The following LRRC7 variants were observed in gnomAD, a reference collection of about 807,000 sequenced individuals.
LRRC7 encodes leucine-rich repeat-containing protein 7.
In LRRC7, 23 loss-of-function variants were observed where a neutral mutation model predicts 175.7. The observed-to-expected ratio is 0.13, with a 90% confidence interval of 0.09 to 0.19. The LOEUF (loss-of-function observed/expected upper bound fraction) is 0.19, where lower values mean the gene tolerates loss of function less well. Ranked by LOEUF, LRRC7 falls within the 10% of genes least tolerant of loss-of-function variation. LRRC7 has a pLI of 1.00. For synonymous variants in LRRC7, 685 were observed against 680.9 expected (o/e 1.01, Z -0.09); for missense variants, 1,354 against 1,904.7 (o/e 0.71, Z 5.38).
intron 25 of LRRC7, among the ~76,000 whole-genome samples, chr1:70,096,666 CT>C (rs1481615662): frequency 1.3e-5 from 2 of 151,938 alleles, no homozygotes; most frequent in African/African-American, 4.8e-5. Context: ...GAACGACTAA[CT>C]TAATGGAGTA....
chr1:69,641,664 C>CA (rs1654230080), intron 1 of LRRC7, among the ~76,000 whole-genome samples: 1 of 151,202 alleles, frequency 6.6e-6, no homozygotes, highest in Non-Finnish European at 1.5e-5. Flanking sequence ...GCTTTTCGGG[C>CA]AAAAGAGAAC....
intron 1 of LRRC7, among the ~76,000 whole-genome samples, chr1:69,657,712 T>A (rs1412830405): frequency 6.6e-6 from 1 of 151,840 alleles, no homozygotes; most frequent in East Asian, 1.9e-4. Flanking sequence ...AAAGGAGACT[T>A]GAGGGCTCAT....
intron 2 of LRRC7, among the ~76,000 whole-genome samples, chr1:69,721,951 A>G (rs979941202): frequency 2.6e-5 from 4 of 151,912 alleles, no homozygotes; most frequent in Non-Finnish European, 4.4e-5. Context: ...CAAAAAAATC[A>G]TCTTTAATAT....
chr1:69,690,558 A>C (rs1364883329), intron 2 of LRRC7, among the ~76,000 whole-genome samples: 1 of 152,214 alleles, frequency 6.6e-6, no homozygotes. Flanking sequence ...TCGTATTAGC[A>C]GTAACTATTT....
In LRRC7 at chr1:69,835,104, TA is replaced by T. The variant is rs984357501; in HGVS notation, c.590+244del. ...TCTAGATGAATTAAAGAGTTGGATATAAAAAAAAATAAAGCCAGAAATTATC... is the reference window on the plus strand; with the variant it reads ...TCTAGATGAATTAAAGAGTTGGATATAAAAAAAATAAAGCCAGAAATTATC... On this transcript the variant is annotated intron_variant, in intron 6 of 26. Transcript: ENST00000651989. Among the ~76,000 whole-genome samples the T allele has an allele frequency of 3.3e-4, 49 of 149,406 alleles. 2 individuals are homozygous for T. Among genetic ancestry groups the T allele is most frequent in the South Asian group, 8.5e-4 (4 of 4,718 alleles).
intron 8 of LRRC7, among the ~76,000 whole-genome samples, chr1:69,933,963 A>G (rs1570716395): frequency 6.6e-6 from 1 of 152,098 alleles, no homozygotes; most frequent in Non-Finnish European, 1.5e-5. Flanking sequence ...AAGAGGTTTT[A>G]TTTGGTAGTG....
Position 69,608,893 on chromosome 1 carries a change from TATATATACAC to T in LRRC7, c.2+40254_2+40263del, listed in dbSNP as rs1399966557. 3.9e-4 allele frequency among the ~76,000 whole-genome samples: 51 copies of T among 129,528 alleles called. 2 individuals carry two copies. The highest frequency in any genetic ancestry group is 8.0e-4 in the African/African-American group (26 of 32,510). 85.0% of individuals were successfully genotyped at this position (129,528 alleles called of 152,430 possible). ...ATATATATATATATATATATATATA[TATATATACAC>T]ACACACACACATATATATAAAATTA... On this transcript the variant is annotated intron_variant, in intron 1 of 26. Coordinates refer to ENST00000651989, the MANE Select transcript of LRRC7 (RefSeq NM_001370785.2).
At chr1:69,580,489 A>C (rs1221553441) in intron 1 of LRRC7, among the ~76,000 whole-genome samples, 1 of 152,154 alleles carries the variant, frequency 6.6e-6, no homozygotes, top group Non-Finnish European at 1.5e-5. Context: ...GAAGTCTAAG[A>C]ACTAAGCTAC....
intron 7 of LRRC7, among the ~76,000 whole-genome samples, chr1:69,901,765 T>C (rs895794964): frequency 1.3e-5 from 2 of 152,190 alleles, no homozygotes; most frequent in Non-Finnish European, 2.9e-5. Flanking sequence ...CAAAATACTT[T>C]TTACACTTAA....
At chr1:69,986,759 G>T (rs1202210353) in intron 10 of LRRC7, among the ~76,000 whole-genome samples, 1 of 152,080 alleles carries the variant, frequency 6.6e-6, no homozygotes, top group Non-Finnish European at 1.5e-5. Context: ...ATAGGATGTT[G>T]CTATATTCTA....
intron 1 of LRRC7, among the ~76,000 whole-genome samples, chr1:69,668,318 G>A (rs975682353): frequency 3.3e-5 from 5 of 151,240 alleles, no homozygotes; most frequent in South Asian, 2.1e-4. Flanking sequence ...CCGACAGGCC[G>A]CAGTGTGTGA....
chr1:70,047,435 C>T (rs1170563376), intron 22 of LRRC7, among the ~76,000 whole-genome samples: 1 of 152,020 alleles, frequency 6.6e-6, no homozygotes, highest in African/African-American at 2.4e-5. Flanking sequence ...TTTGCCAAGG[C>T]TTGCCTCTTG....
Position 69,592,825 on chromosome 1 carries a change from C to T in LRRC7, c.2+24184C>T, listed in dbSNP as rs116670484. On this transcript the variant is annotated intron_variant, in intron 1 of 26. Transcript: ENST00000651989. ...TATTCCCAATTTTACAAATAAGGAA[C>T]GTGTGGATGAGTGGTTGGGGAAGAT... Among the ~76,000 whole-genome samples the T allele has an allele frequency of 5.9e-3, 893 of 152,108 alleles. 11 individuals are homozygous for T. The highest frequency in any genetic ancestry group is 0.02 in the African/African-American group (846 of 41,544).
chr1:69,908,390 G>A (rs1221494520), intron 7 of LRRC7, among the ~76,000 whole-genome samples: 1 of 151,714 alleles, frequency 6.6e-6, no homozygotes, highest in South Asian at 2.1e-4. Context: ...GCTTTCTCTT[G>A]TGGGCATTTA....
intron 2 of LRRC7, among the ~76,000 whole-genome samples, chr1:69,694,728 T>C (rs1285270910): frequency 8.9e-6 from 1 of 112,086 alleles, no homozygotes; most frequent in African/African-American, 3.4e-5. Flanking sequence ...TAAAAGAGTG[T>C]GGTACCCCTA....
intron 7 of LRRC7, chr1:69,920,287 C>A (rs1403626591): frequency 6.6e-6 from 1 of 151,704 alleles, no homozygotes; most frequent in Non-Finnish European, 1.5e-5. Flanking sequence ...TTTGCAGCAC[C>A]CTTTCACCCC....
At chr1:69,602,499 T>C (rs1647116852) in intron 1 of LRRC7, among the ~76,000 whole-genome samples, 2 of 152,218 alleles carry the variant, frequency 1.3e-5, no homozygotes, top group Non-Finnish European at 2.9e-5. Flanking sequence ...AAAAATAAAG[T>C]TGATTTTAAA....
intron 4 of LRRC7, among the ~76,000 whole-genome samples, chr1:69,803,360 A>G (rs928683531): frequency 2.6e-5 from 4 of 151,462 alleles, no homozygotes; most frequent in Non-Finnish European, 5.9e-5. Flanking sequence ...TACCTTTGGC[A>G]TAGTAAAAGT....
intron 2 of LRRC7, among the ~76,000 whole-genome samples, chr1:69,725,002 C>T (rs924788243): frequency 1.3e-5 from 2 of 151,806 alleles, no homozygotes; most frequent in Non-Finnish European, 2.9e-5. Context: ...ATCACAAAAC[C>T]AAATATAACT....
Sources: gnomAD v4.1 joint callset for allele counts (sites outside exome capture counted in the v4.1 genomes callset) on GRCh38, gnomAD v4.1.1 for gene constraint, MANE v1.5 for transcripts, NCBI Gene and HGNC (gene_info 2026-07-23, HGNC 2026-07-21) for gene names.